MGMT: variants seen among roughly 807,000 people sequenced by gnomAD.
MGMT encodes the protein methylated-DNA--protein-cysteine methyltransferase.
A neutral mutation model predicts 15.9 loss-of-function variants in MGMT; 14 were observed. That is an observed-to-expected ratio of 0.88 (90% CI 0.58 to 1.37). The LOEUF is 1.37. Among genes scored for constraint, MGMT ranks in the 40% most tolerant of loss-of-function variants. The pLI is 0.00. For missense variants in MGMT, 282 were observed against 268.1 expected, an observed-to-expected ratio of 1.05 and a Z score of -0.36; for synonymous variants, 130 against 118.2, an observed-to-expected ratio of 1.10 and a Z score of -0.65.
At chr10:129,670,875 A>T (rs1445847040) in intron 2 of MGMT, among the ~76,000 whole-genome samples, 1 of 152,190 alleles carries the variant, frequency 6.6e-6, no homozygotes, top group Non-Finnish European at 1.5e-5. Context: ...GAAAAGATTT[A>T]ATTTTTCTGT....
At chr10:129,762,256 G>T (rs1232263167) in intron 4 of MGMT, among the ~76,000 whole-genome samples, 1 of 152,226 alleles carries the variant, frequency 6.6e-6, no homozygotes, top group African/African-American at 2.4e-5. Flanking sequence ...ATTTAAGGGA[G>T]GAGAGTGAAA....
chr10:129,555,967 T>G (rs752055012), intron 2 of MGMT, among the ~76,000 whole-genome samples: 2 of 152,136 alleles, frequency 1.3e-5, no homozygotes, highest in Non-Finnish European at 2.9e-5. Flanking sequence ...TGGCTGGACC[T>G]CCTCAAAACG....
At chr10:129,720,067 G>A (rs553841245) in intron 3 of MGMT, among the ~76,000 whole-genome samples, 30 of 152,236 alleles carry the variant, frequency 2.0e-4, no homozygotes, top group Admixed American at 7.2e-4. Flanking sequence ...CCCGCCCTCC[G>A]CCCTTGCTTG....
At chr10:129,763,960 C>A (rs1052414271) in intron 4 of MGMT, among the ~76,000 whole-genome samples, 1 of 152,194 alleles carries the variant, frequency 6.6e-6, no homozygotes. Flanking sequence ...TCTTAGACTG[C>A]GTCATTGGTG....
chr10:129,738,858 G>C (rs1283905867), intron 3 of MGMT, among the ~76,000 whole-genome samples: 1 of 152,146 alleles, frequency 6.6e-6, no homozygotes, highest in Admixed American at 6.5e-5. Context: ...CAAAAAAAGA[G>C]AATTTTAGGC....
rs1845196354 is a variant in MGMT, at chr10:129,468,547, G to A, written c.-13+1251G>A. 2.6e-5 allele frequency among the ~76,000 whole-genome samples: 4 copies of A among 151,866 alleles called. 1 individual carries two copies. The South Asian group carries it at 8.3e-4, about 32-fold the overall frequency. ...CTGGATGAAGTAGACCACCAGTACG[G>A]AGCTATACTCAGGTACTTTTCAATG... is the stretch of plus-strand genomic sequence containing the variant. On this transcript the variant is annotated intron_variant, in intron 1 of 4. Transcript: ENST00000651593.
chr10:129,729,252 G>A (rs575113883), intron 3 of MGMT, among the ~76,000 whole-genome samples: 28 of 152,250 alleles, frequency 1.8e-4, no homozygotes, highest in African/African-American at 6.5e-4. Context: ...AGGGCCCCAC[G>A]GGCTGTGTCT....
At chr10:129,738,260 G>A (rs897272239) in intron 3 of MGMT, among the ~76,000 whole-genome samples, 16 of 152,300 alleles carry the variant, frequency 1.1e-4, no homozygotes, top group South Asian at 8.3e-4. Context: ...CTCCTGGTGC[G>A]CCGTTTTTTA....
At chr10:129,477,893 A>G (rs1253604937) in intron 1 of MGMT, among the ~76,000 whole-genome samples, 2 of 152,262 alleles carry the variant, frequency 1.3e-5, no homozygotes, top group Non-Finnish European at 2.9e-5. Flanking sequence ...GTCATCAGAC[A>G]GTGCTCCAAA....
Position 129,707,913 on chromosome 10 carries a change from C to A in MGMT, c.144C>A (p.Ala48=). 6.2e-7 allele frequency: 1 copy of A among 1,611,798 alleles called. No homozygotes were observed. The highest frequency in any genetic ancestry group is 8.5e-7 in the Non-Finnish European group (1 of 1,179,948). Residue 48 remains alanine, a synonymous_variant, in exon 3 of 5, where the codon GCC becomes GCA. Coordinates refer to ENST00000651593, the MANE Select transcript of MGMT (RefSeq NM_002412.5). ...TSAADAVEVP[A]PAAVLGGPEP... The stretch of plus-strand genomic sequence containing the variant: ...TTTGCAGTGCCGTGGAGGTCCCAGC[C>A]CCCGCTGCGGTTCTCGGAGGTCCGG...
intron 2 of MGMT, among the ~76,000 whole-genome samples, chr10:129,602,738 C>T (rs2133062468): frequency 6.6e-6 from 1 of 152,232 alleles, no homozygotes; most frequent in Non-Finnish European, 1.5e-5. Flanking sequence ...GCCACCCTCC[C>T]TCCCCCTCCT....
chr10:129,485,065 A>G (rs1181510254), intron 1 of MGMT, among the ~76,000 whole-genome samples: 1 of 152,102 alleles, frequency 6.6e-6, no homozygotes, highest in Non-Finnish European at 1.5e-5. Context: ...ATCTTTCCAC[A>G]CTGGCTGGTG....
rs991757321 is a variant in MGMT, at chr10:129,556,551, C to T, written c.125+20174C>T. On this transcript the variant is annotated intron_variant, in intron 2 of 4. Transcript: ENST00000651593. This position sits in a 1 kb window ranked among gnomAD's most constrained non-coding sequence, Gnocchi z 4.3. The stretch of plus-strand genomic sequence containing the variant: ...CAGCCCTGGCGGAAGAACGCAGCCT[C>T]GTCGGTGGGTTTGGTGATGCTGTGC... 2.6e-5 allele frequency among the ~76,000 whole-genome samples: 4 copies of T among 152,176 alleles called. No individual in the cohort carries two copies. The highest frequency in any genetic ancestry group is 7.2e-5 in the African/African-American group (3 of 41,450).
rs530217926 is a variant in MGMT, at chr10:129,515,927, TTTTTA to T, written c.-12-20298_-12-20294del. Among the ~76,000 whole-genome samples the T allele has an allele frequency of 2.7e-4, 41 of 152,278 alleles. 1 individual carries two copies. The highest frequency in any genetic ancestry group is 7.2e-4 in the African/African-American group (30 of 41,550). ...TCTTTCTGTGAAGGGTCTGTTTTAT[TTTTTA>T]TTTTATTTTATTTTAATTAATGAGA... On this transcript the variant is annotated intron_variant, in intron 1 of 4. Coordinates refer to ENST00000651593, the MANE Select transcript of MGMT (RefSeq NM_002412.5).
At chr10:129,484,088 T>C (rs1206001297) in intron 1 of MGMT, among the ~76,000 whole-genome samples, 2 of 152,212 alleles carry the variant, frequency 1.3e-5, no homozygotes, top group Non-Finnish European at 2.9e-5. Flanking sequence ...AATTTTCCAA[T>C]TGTGGCATTG....
intron 2 of MGMT, among the ~76,000 whole-genome samples, chr10:129,574,144 G>A (rs952323822): frequency 2.0e-5 from 3 of 152,238 alleles, no homozygotes; most frequent in Non-Finnish European, 4.4e-5. Context: ...TCCCTTTGGA[G>A]AGTTTCATGT....
At chr10:129,498,100 C>A (rs534890177) in intron 1 of MGMT, among the ~76,000 whole-genome samples, 1 of 152,192 alleles carries the variant, frequency 6.6e-6, no homozygotes, top group African/African-American at 2.4e-5. Flanking sequence ...GGATGCCTCT[C>A]GTTTGGGTTT....
At chr10:129,726,661 T>C (rs1203164305) in intron 3 of MGMT, among the ~76,000 whole-genome samples, 1 of 152,246 alleles carries the variant, frequency 6.6e-6, no homozygotes, top group Admixed American at 6.5e-5. Flanking sequence ...GGAAACTTGA[T>C]ATTGTAAATT....
chr10:129,652,429 G>A (rs889484672), intron 2 of MGMT, among the ~76,000 whole-genome samples: 2 of 152,242 alleles, frequency 1.3e-5, no homozygotes, highest in South Asian at 2.1e-4. Context: ...GGAGGGGCAC[G>A]TTTCTGACCC....
Sources: allele counts gnomAD v4.1 joint callset (sites outside exome capture counted in the v4.1 genomes callset), GRCh38; gene constraint gnomAD v4.1.1; non-coding constraint Gnocchi (gnomAD v3.1); transcripts MANE v1.5; gene names NCBI Gene and HGNC (gene_info 2026-07-23, HGNC 2026-07-21).